LIPI: variants seen among roughly 807,000 people sequenced by gnomAD.
The protein encoded by LIPI is lipase I.
Under a neutral mutation model 50.6 loss-of-function variants are expected in LIPI, and 59 were observed. That is an observed-to-expected ratio of 1.16 (90% CI 0.94 to 1.45). The LOEUF (loss-of-function observed/expected upper bound fraction) is 1.45, where lower values mean the gene tolerates loss of function less well. Among genes scored for constraint, LIPI ranks in the 40% most tolerant of loss-of-function variants. LIPI has a pLI of 0.00. For missense variants in LIPI, 586 were observed against 536.3 expected, an observed-to-expected ratio of 1.09 and a Z score of -0.92; for synonymous variants, 203 against 178.2, an observed-to-expected ratio of 1.14 and a Z score of -1.11.
intron 6 of LIPI, among the ~76,000 whole-genome samples, 194 bp downstream of exon 6, chr21:14,165,029 T>C (rs897818681): frequency 2.0e-5 from 3 of 152,124 alleles, no homozygotes; most frequent in African/African-American, 7.2e-5. Context: ...GTTCTTCTCT[T>C]TAAATATATT....
rs771926426 is a variant in LIPI, at chr21:14,144,724, T to G, written c.1194A>C (p.Ser398=). Residue 398 remains serine, a synonymous_variant, in exon 9 of 10, where the codon TCA becomes TCC. Transcript: ENST00000681601. ...TCTGGAAATATGTCAAACCAATGCTTGAAATATTTACAAAGTCATTATAAA... is the reference window on the plus strand; with the variant it reads ...TCTGGAAATATGTCAAACCAATGCTGGAAATATTTACAAAGTCATTATAAA... ...AQFYNDFVNI[S]SIGLTYFQSS... The G allele has an allele frequency of 4.5e-6, 7 of 1,569,022 alleles. No individual in the cohort carries two copies. Among genetic ancestry groups the G allele is most frequent in the Non-Finnish European group, 5.3e-6 (6 of 1,139,492 alleles).
chr21:14,186,004 T>C lies in LIPI; in HGVS notation c.498A>G (p.Gly166=), dbSNP rs139798897. 1 of 1,602,974 alleles carries C rather than the reference T, an allele frequency of 6.2e-7. No homozygotes were observed. The highest frequency in any genetic ancestry group is 8.5e-7 in the Non-Finnish European group (1 of 1,170,242). Residue 166 remains glycine, a synonymous_variant, in exon 3 of 10, where the codon GGA becomes GGG. Transcript: ENST00000681601. ...IGVSLGAHIS[G]FVGKIFHGQL... ...GACCATGAAATATCTTTCCAACAAA[T>C]CCACTGATATGAGCCCCTAAGCTCA...
intron 4 of LIPI, among the ~76,000 whole-genome samples, chr21:14,171,294 G>A (rs1312500633): frequency 6.2e-5 from 9 of 144,840 alleles, no homozygotes; most frequent in Non-Finnish European, 1.2e-4. Flanking sequence ...TACTGCCCAA[G>A]GTAATTTATA....
chr21:14,178,339 T>C (rs1364698542), intron 4 of LIPI, among the ~76,000 whole-genome samples: 1 of 152,154 alleles, frequency 6.6e-6, no homozygotes, highest in Non-Finnish European at 1.5e-5. Context: ...ATTTACCATG[T>C]CATTGCCTAT....
Position 14,189,194 on chromosome 21 carries a change from A to G in LIPI, c.272T>C (p.Leu91Ser). Residue 91 changes from leucine to serine, a missense_variant, in exon 2 of 10, where the codon TTA becomes TCA. Leu to Ser is a moderately radical substitution (Grantham distance 145). Transcript: ENST00000681601. ...AATCCTTACGAAGTTCTGAAGCCATAATGGGATGGAGCCTACTGGTCTGTA... is the reference window on the plus strand; with the variant it reads ...AATCCTTACGAAGTTCTGAAGCCATGATGGGATGGAGCCTACTGGTCTGTA... Reference protein sequence around the residue: ...HGYRPVGSIPLWLQNFVRILL... With the variant: ...HGYRPVGSIPSWLQNFVRILL... 1.9e-6 allele frequency: 3 copies of G among 1,614,112 alleles called. No homozygotes were observed. The highest frequency in any genetic ancestry group is 1.3e-5 in the African/African-American group (1 of 75,054).
chr21:14,129,790 C>T (rs2017211918), intron 9 of LIPI, among the ~76,000 whole-genome samples: 2 of 143,862 alleles, frequency 1.4e-5, no homozygotes, highest in African/African-American at 2.6e-5. Context: ...TCAATAATGA[C>T]TCTAATTGTT....
chr21:14,135,478 A>AT (rs1258863424), intron 9 of LIPI, among the ~76,000 whole-genome samples: 1 of 152,162 alleles, frequency 6.6e-6, no homozygotes, highest in Non-Finnish European at 1.5e-5. Flanking sequence ...CATGGTGCAG[A>AT]GACCCTCTCT....
At chr21:14,109,145 C>T (rs2016307508) in intron 9 of LIPI, 65 bp from the exon 10 acceptor site, 1 of 1,280,006 alleles carries the variant, frequency 7.8e-7, no homozygotes, top group African/African-American at 1.5e-5. Flanking sequence ...AGTTGATTTC[C>T]TTCTCTCATT....
At chr21:14,204,139 C>T (rs1600940724) in intron 1 of LIPI, among the ~76,000 whole-genome samples, 4 of 151,966 alleles carry the variant, frequency 2.6e-5, no homozygotes, top group Admixed American at 2.6e-4. Context: ...GGATGCTAGG[C>T]TTAATATGTG....
chr21:14,115,111 C>A (rs2016574090), intron 9 of LIPI, among the ~76,000 whole-genome samples: 1 of 152,082 alleles, frequency 6.6e-6, no homozygotes, highest in African/African-American at 2.4e-5. Context: ...GCACCCCGCT[C>A]CCCACCCCCC....
chr21:14,166,542 G>A (rs1158111554), intron 4 of LIPI, 91 bp from the exon 5 acceptor site: 1 of 755,344 alleles, frequency 1.3e-6, no homozygotes, highest in Non-Finnish European at 2.4e-6. Flanking sequence ...TCCATTGAAA[G>A]TTACTCTTTA....
chr21:14,141,386 GTTT>G (rs34169754), intron 9 of LIPI, among the ~76,000 whole-genome samples: 46,106 of 149,842 alleles, frequency 0.31, 7,263 homozygotes, highest in Middle Eastern at 0.36. Flanking sequence ...AACTTTAGTT[GTTT>G]TTTTTTTTTT....
chr21:14,200,750 A>AG (rs1277088636), intron 1 of LIPI, among the ~76,000 whole-genome samples: 2 of 151,848 alleles, frequency 1.3e-5, no homozygotes, highest in Admixed American at 1.3e-4. Context: ...TCACAGAATG[A>AG]GAAAAAAAAA....
At chr21:14,186,192 C>T (rs897402590) in intron 2 of LIPI, 123 bp from the exon 3 acceptor site, 11 of 678,146 alleles carry the variant, frequency 1.6e-5, no homozygotes, top group African/African-American at 7.1e-5. Context: ...TTGGGGATAT[C>T]GGGAAAGAGA....
chr21:14,195,346 T>G (rs1251051022), intron 1 of LIPI, among the ~76,000 whole-genome samples: 1 of 149,718 alleles, frequency 6.7e-6, no homozygotes, highest in Non-Finnish European at 1.5e-5. Context: ...TAGGAGAGAT[T>G]GAAGTTGCAA....
intron 4 of LIPI, among the ~76,000 whole-genome samples, chr21:14,170,438 T>A (rs539613368): frequency 1.7e-3 from 252 of 152,248 alleles, no homozygotes; most frequent in African/African-American, 5.9e-3. Flanking sequence ...CCAATATCCT[T>A]GATGAACATT....
chr21:14,142,690 C>T (rs1466313857), intron 9 of LIPI, among the ~76,000 whole-genome samples: 1 of 151,372 alleles, frequency 6.6e-6, no homozygotes, highest in African/African-American at 2.4e-5. Context: ...TGCCTTGTTG[C>T]CCACGCTGGT....
intron 1 of LIPI, among the ~76,000 whole-genome samples, chr21:14,202,855 C>T (rs998676387): frequency 4.7e-5 from 7 of 148,628 alleles, no homozygotes; most frequent in African/African-American, 1.7e-4. Context: ...AACTAAAGAG[C>T]TTCTGCACAG....
At chr21:14,115,119 C>G (rs2016575014) in intron 9 of LIPI, among the ~76,000 whole-genome samples, 1 of 152,128 alleles carries the variant, frequency 6.6e-6, no homozygotes, top group African/African-American at 2.4e-5. Flanking sequence ...CTCCCCACCC[C>G]CCATAGTCTA....
Sources: allele counts gnomAD v4.1 joint callset (sites outside exome capture counted in the v4.1 genomes callset), GRCh38; gene constraint gnomAD v4.1.1; transcripts MANE v1.5; gene names NCBI Gene and HGNC (gene_info 2026-07-23, HGNC 2026-07-21).